Variants in THSD7B observed in about 807,000 individuals in gnomAD.
THSD7B encodes the protein thrombospondin type-1 domain-containing protein 7B.
THSD7B carries 138 observed loss-of-function variants against 213.6 expected under a neutral mutation model. The observed-to-expected ratio is 0.65, with a 90% CI of 0.56 to 0.74. The LOEUF is 0.74. Ranked by LOEUF, THSD7B falls within the 30% of genes least tolerant of loss-of-function variation. The pLI is 0.00. For missense variants in THSD7B, 1,931 were observed against 1,991.5 expected (o/e 0.97, Z 0.58); for synonymous variants, 742 against 687.0 (o/e 1.08, Z -1.25).
At chr2:137,472,045 G>T (rs1247744035) in intron 15 of THSD7B, among the ~76,000 whole-genome samples, 1 of 152,326 alleles carries the variant, frequency 6.6e-6, no homozygotes, top group African/African-American at 2.4e-5. Flanking sequence ...ACCCATTTAT[G>T]TCACAGGCCT....
At chr2:137,079,400 A>G (rs928004225) in intron 3 of THSD7B, among the ~76,000 whole-genome samples, 4 of 152,096 alleles carry the variant, frequency 2.6e-5, no homozygotes, top group African/African-American at 9.7e-5. Flanking sequence ...AGTTGCTGTT[A>G]TATGGTGCAT....
chr2:137,542,133 C>A (rs759314444), intron 15 of THSD7B, among the ~76,000 whole-genome samples: 35 of 151,564 alleles, frequency 2.3e-4, no homozygotes, highest in Admixed American at 5.3e-4. Flanking sequence ...AAACTCAGAG[C>A]TATTTTCACC....
intron 4 of THSD7B, among the ~76,000 whole-genome samples, chr2:137,099,038 C>T (rs1329445370): frequency 1.3e-5 from 2 of 152,130 alleles, no homozygotes; most frequent in East Asian, 1.9e-4. Flanking sequence ...GAAACCTCTT[C>T]CTTCAGTCTA....
chr2:137,431,522 C>T (rs571129087), intron 14 of THSD7B, among the ~76,000 whole-genome samples: 1 of 152,238 alleles, frequency 6.6e-6, no homozygotes, highest in South Asian at 2.1e-4. Context: ...GATGGCTTTG[C>T]AGGGCCATTT....
intron 20 of THSD7B, among the ~76,000 whole-genome samples, chr2:137,635,944 C>T (rs1157517852): frequency 1.3e-5 from 2 of 152,164 alleles, no homozygotes; most frequent in East Asian, 3.9e-4. Context: ...CTCAAGTGAT[C>T]TGCCCGTCTT....
Position 137,275,979 on chromosome 2 carries a change from G to C in THSD7B, c.2453G>C (p.Gly818Ala), listed in dbSNP as rs1313391947. 4 of 1,612,242 alleles carry C rather than the reference G, an allele frequency of 2.5e-6. No individual in the cohort carries two copies. In the African/African-American group the frequency reaches 4.0e-5, roughly 16 times the overall value. The change falls in exon 12 of 28, where the codon GGA becomes GCA. Residue 818 changes from glycine to alanine, a missense_variant. Physicochemically the swap from Gly to Ala is moderately conservative, Grantham distance 60. Coordinates refer to ENST00000409968, the MANE Select transcript of THSD7B (RefSeq NM_001316349.2). ...TTAGTGCCAGAGTCTGTCTGGCAGG[G>C]AATAACGGGCAGCAGTGAAGCCTGT... is the stretch of plus-strand genomic sequence containing the variant. ...CILVPESVWQ[G>A]ITGSSEACGK...
intron 12 of THSD7B, among the ~76,000 whole-genome samples, chr2:137,309,991 G>C (rs1683854494): frequency 6.6e-6 from 1 of 151,606 alleles, no homozygotes; most frequent in African/African-American, 2.4e-5. Context: ...CTTTATAGCA[G>C]CATGATTTAT....
intron 2 of THSD7B, among the ~76,000 whole-genome samples, chr2:136,999,499 C>G (rs1167382298): frequency 1.3e-5 from 2 of 149,344 alleles, no homozygotes; most frequent in Non-Finnish European, 3.0e-5. Flanking sequence ...TTGATTTTGA[C>G]TTATCCCTTT....
intron 3 of THSD7B, among the ~76,000 whole-genome samples, chr2:137,058,562 T>G (rs571831854): frequency 3.3e-4 from 50 of 152,322 alleles, no homozygotes; most frequent in African/African-American, 1.2e-3. Flanking sequence ...TTTTTCCTAT[T>G]ATTAACATCT....
At chr2:137,380,166 C>A (rs1240361389) in intron 12 of THSD7B, among the ~76,000 whole-genome samples, 4 of 151,806 alleles carry the variant, frequency 2.6e-5, no homozygotes, top group South Asian at 2.1e-4. Context: ...AAAGCTAACA[C>A]TTTTGGAGGC....
At chr2:137,430,581 G>T (rs537372146) in intron 14 of THSD7B, among the ~76,000 whole-genome samples, 1 of 152,322 alleles carries the variant, frequency 6.6e-6, no homozygotes, top group South Asian at 2.1e-4. Flanking sequence ...AGGGACTCTG[G>T]CCCTAACTTA....
At chr2:136,899,699 T>A (rs987863227) in intron 2 of THSD7B, among the ~76,000 whole-genome samples, 1 of 152,226 alleles carries the variant, frequency 6.6e-6, no homozygotes, top group African/African-American at 2.4e-5. Context: ...TGGGCATTCA[T>A]GTGTTGGATG....
chr2:137,130,346 A>G (rs1688706283), intron 5 of THSD7B, among the ~76,000 whole-genome samples: 1 of 152,078 alleles, frequency 6.6e-6, no homozygotes, highest in South Asian at 2.1e-4. Context: ...CATAGTTACT[A>G]AAATCCTTAC....
chr2:137,390,022 A>G (rs1324555128), intron 12 of THSD7B, among the ~76,000 whole-genome samples: 1 of 152,108 alleles, frequency 6.6e-6, no homozygotes, highest in Non-Finnish European at 1.5e-5. Context: ...GGATTGGTTC[A>G]GCTAAACTGG....
chr2:137,140,303 G>A (rs1558935658), intron 5 of THSD7B, among the ~76,000 whole-genome samples: 1 of 152,050 alleles, frequency 6.6e-6, no homozygotes, highest in Non-Finnish European at 1.5e-5. Flanking sequence ...ACTTCAGAAA[G>A]TTTATTTCTC....
At chr2:137,584,747 A>C (rs7371475) in intron 17 of THSD7B, among the ~76,000 whole-genome samples, 33,756 of 152,044 alleles carry the variant, frequency 0.22, 3,887 homozygotes, top group Middle Eastern at 0.32. Context: ...CAAGTATTTT[A>C]TTGAGGATTT....
intron 12 of THSD7B, among the ~76,000 whole-genome samples, chr2:137,328,511 G>A (rs1161307451): frequency 6.6e-6 from 1 of 152,116 alleles, no homozygotes; most frequent in Non-Finnish European, 1.5e-5. Context: ...ATGAATCAAG[G>A]AAACATAGCA....
At chr2:137,250,040 T>TA (rs888813843) in intron 10 of THSD7B, among the ~76,000 whole-genome samples, 4 of 152,168 alleles carry the variant, frequency 2.6e-5, no homozygotes, top group African/African-American at 9.7e-5. Context: ...AAGACCAAGT[T>TA]AAAAAACCCA....
intron 1 of THSD7B, among the ~76,000 whole-genome samples, chr2:136,778,485 C>T (rs990972441): frequency 6.6e-6 from 1 of 152,124 alleles, no homozygotes; most frequent in African/African-American, 2.4e-5. Flanking sequence ...CATGGTAGAG[C>T]CTGCCTTCCA....
Sources: allele counts gnomAD v4.1 joint callset (sites outside exome capture counted in the v4.1 genomes callset), GRCh38; gene constraint gnomAD v4.1.1; transcripts MANE v1.5; gene names NCBI Gene and HGNC (gene_info 2026-07-23, HGNC 2026-07-21).